Variants in CAPN15 observed in about 807,000 individuals in gnomAD.
CAPN15 encodes the protein calpain 15, also known as calpain-15.
In CAPN15, 53 loss-of-function variants were observed where a neutral mutation model predicts 97.9. The observed-to-expected ratio is 0.54, with a 90% CI of 0.43 to 0.68. The LOEUF is 0.68. CAPN15 is among the 30% of genes least tolerant of loss of function. The pLI, the probability that CAPN15 is intolerant of heterozygous loss-of-function variation, is 0.00. For synonymous variants in CAPN15, 922 were observed against 722.5 expected, an observed-to-expected ratio of 1.28 and a Z score of -4.43; for missense variants, 1,592 against 1,589.8, an observed-to-expected ratio of 1.00 and a Z score of -0.02.
intron 3 of CAPN15, chr16:540,378 G>A (rs1307561820): frequency 1.0e-6 from 1 of 984,286 alleles, no homozygotes; most frequent in Middle Eastern, 5.2e-4. Flanking sequence ...GAAGGTAAGA[G>A]GTGGGGAGGG....
chr16:549,529 G>A (rs572846868), intron 6 of CAPN15, 58 bp downstream of exon 6: 116 of 1,226,084 alleles, frequency 9.5e-5, no homozygotes, highest in African/African-American at 4.4e-4. Context: ...CCCCAGCCCC[G>A]AAAACAAGGC....
chr16:552,364 C>T lies in CAPN15; in HGVS notation c.2571C>T (p.Phe857=), dbSNP rs199859872. 7.5e-4 allele frequency: 1,196 copies of T among 1,599,028 alleles called. 9 individuals are homozygous for T. In the African/African-American group the frequency reaches 0.012, roughly 16 times the overall value. ...DLCILVFRAT[F]GSGGHLSLGR... is the part of the protein sequence containing the mutation. ...GCATCCTGGTGTTCCGGGCCACGTT[C>T]GGCAGCGGCGGCCACCTCAGCCTGG... Residue 857 remains phenylalanine (F), a synonymous_variant, in exon 11 of 14, where the codon TTC becomes TTT. Transcript: ENST00000219611. The surrounding 1 kb of genome is among the most constrained non-coding windows in gnomAD (Gnocchi z 6.4).
Position 549,616 on chromosome 16 carries a change from C to T in CAPN15, c.1844C>T (p.Ala615Val). The T allele has an allele frequency of 6.5e-6, 10 of 1,539,278 alleles. No homozygotes were observed. The highest frequency in any genetic ancestry group is 7.8e-6 in the Non-Finnish European group (9 of 1,146,590). ...DEAGCLLFSQ[A>V]QRKQLWVALI... The stretch of plus-strand genomic sequence containing the variant: ...GGCCTCTGACCCGGCCCTCTGCAGG[C>T]GCAGCGGAAGCAGCTGTGGGTGGCC... Residue 615 changes from alanine (A) to valine (V), a missense_variant and splice_region_variant, in exon 7 of 14, where the codon GCG becomes GTG. Transcript: ENST00000219611.
chr16:547,759 C>T lies in CAPN15; in HGVS notation c.921C>T (p.Thr307=). The T allele has an allele frequency of 6.2e-7, 1 of 1,609,162 alleles. No individual in the cohort carries two copies. The highest frequency in any genetic ancestry group is 8.5e-7 in the Non-Finnish European group (1 of 1,177,696). Residue 307 remains threonine (T), a synonymous_variant, in exon 4 of 14, where the codon ACC becomes ACT. Transcript: ENST00000219611. ...VLEEEATEGG[T]SRVEAGSSTS... is the part of the protein sequence containing the mutation. ...AGGAAGAGGCCACGGAGGGTGGCAC[C>T]AGCCGCGTAGAGGCCGGCAGCTCCA...
Position 549,768 on chromosome 16 carries a change from A to G in CAPN15, c.1996A>G (p.Thr666Ala). 1 of 1,593,110 alleles carries G rather than the reference A, an allele frequency of 6.3e-7. No homozygotes were observed. The highest frequency in any genetic ancestry group is 8.5e-7 in the Non-Finnish European group (1 of 1,170,150). ...GAGCCTGGCGCTGCAGCTCAGCTCC[A>G]CTAACCCCCGCGAGGAGCCCGTTGA... Reference protein sequence around the residue: ...CESLALQLSSTNPREEPVDTD... With the variant: ...CESLALQLSSANPREEPVDTD... The change falls in exon 7 of 14, where the codon ACT becomes GCT. Residue 666 changes from threonine (T) to alanine (A), a missense_variant. Thr to Ala is a moderately conservative substitution (Grantham distance 58). Around this residue, in one of 3 missense-constraint regions of CAPN15, gnomAD observed 644 missense variants for 699.6 expected, o/e 0.92. Transcript: ENST00000219611.
rs534818637 is a variant in CAPN15, at chr16:535,604, TG to T, written c.-136-420del. ...GCGGGGAGCTGCACAGTTGGACTTG[TG>T]GGGGTCAGGCATGGATCCACACAGC... On this transcript the variant is annotated intron_variant, in intron 2 of 13. Coordinates refer to ENST00000219611, the MANE Select transcript of CAPN15 (RefSeq NM_005632.3). This position sits in a 1 kb window ranked among gnomAD's most constrained non-coding sequence, Gnocchi z 6.2. Among the ~76,000 whole-genome samples the T allele has an allele frequency of 5.8e-3, 888 of 152,124 alleles. 7 individuals are homozygous for T. Among genetic ancestry groups the T allele is most frequent in the African/African-American group, 0.021 (852 of 41,520 alleles).
At chr16:548,964 G>C in intron 4 of CAPN15, 29 bp from the exon 5 acceptor site, 1 of 1,609,286 alleles carries the variant, frequency 6.2e-7, no homozygotes, top group East Asian at 2.2e-5. Context: ...ACCCTGCCCA[G>C]CCTGAGCACA....
intron 3 of CAPN15, chr16:538,638 A>AC (rs911729898): frequency 4.6e-5 from 7 of 151,528 alleles, no homozygotes; most frequent in Admixed American, 1.3e-4. Flanking sequence ...TCTCTGTCTC[A>AC]CCCCCTCAGC....
At position 527,895 on chromosome 16, in the gene CAPN15, G is replaced by T. The variant is rs2032960787; in HGVS notation, c.-324G>T. The T allele has an allele frequency of 6.8e-6, 1 of 146,478 alleles. No homozygotes were observed. Among genetic ancestry groups the T allele is most frequent in the South Asian group, 2.1e-4 (1 of 4,824 alleles). 9.1% of individuals were successfully genotyped at this position (146,478 alleles called of 1,614,324 possible). A position where few individuals can be genotyped will look rare whatever the true frequency, so the allele number is the denominator to read the frequency against. On this transcript the variant is annotated 5_prime_UTR_variant, in exon 1 of 14. Transcript: ENST00000219611. ...GAGCGGGAGGCCGTCCGGGCAGCGC[G>T]GCCGGCGGCGAGAGGGGCCCCGCCG...
intron 3 of CAPN15, chr16:537,235 T>C (rs1014924057): frequency 3.0e-6 from 3 of 985,530 alleles, no homozygotes; most frequent in Non-Finnish European, 3.6e-6. Context: ...ACAGGGTCAG[T>C]TGCCTGAGAC....
chr16:540,671 G>A (rs73481357), intron 3 of CAPN15, among the ~76,000 whole-genome samples: 3,425 of 152,314 alleles, frequency 0.022, 117 homozygotes, highest in African/African-American at 0.074. Context: ...GGCTGGGGTC[G>A]CTGGCGGCTG....
Position 552,547 on chromosome 16 carries a change from C to G in CAPN15, c.2737+17C>G. ...CCCCCCAGGGTACGTGGCCCCTACCCCAGGCTCATGCCCCAGGCCCACGGG... is the reference window on the plus strand; with the variant it reads ...CCCCCCAGGGTACGTGGCCCCTACCGCAGGCTCATGCCCCAGGCCCACGGG... On this transcript the variant is annotated intron_variant, in intron 11 of 13. Coordinates refer to ENST00000219611, the MANE Select transcript of CAPN15 (RefSeq NM_005632.3). The surrounding 1 kb of genome is among the most constrained non-coding windows in gnomAD (Gnocchi z 6.4). 1 of 1,585,166 alleles carries G rather than the reference C, an allele frequency of 6.3e-7. No homozygotes were observed. Among genetic ancestry groups the G allele is most frequent in the Non-Finnish European group, 8.5e-7 (1 of 1,170,002 alleles).
At chr16:534,591 C>T (rs925764371) in intron 2 of CAPN15, among the ~76,000 whole-genome samples, 4 of 152,196 alleles carry the variant, frequency 2.6e-5, no homozygotes, top group African/African-American at 7.2e-5. Context: ...GGGGCCTTAG[C>T]GTCAGTGGGG....
At chr16:550,818 G>A (rs1193925999) in intron 7 of CAPN15, among the ~76,000 whole-genome samples, 43 of 40,558 alleles carry the variant, frequency 1.1e-3, no homozygotes, top group Middle Eastern at 0.038. Context: ...GGCCCCGGTC[G>A]GTGAGGGTGC....
intron 1 of CAPN15, chr16:528,714 A>G: frequency 1.0e-6 from 1 of 985,276 alleles, no homozygotes; most frequent in Non-Finnish European, 1.2e-6. Context: ...TTGTTACCGG[A>G]CTGCAGGTAA....
At chr16:539,575 C>T (rs2033969162) in intron 3 of CAPN15, 1 of 152,358 alleles carries the variant, frequency 6.6e-6, no homozygotes, top group South Asian at 2.1e-4. Flanking sequence ...GGCCCCCGCC[C>T]TCAGCCATAG....
At position 546,852 on chromosome 16, in the gene CAPN15, G is replaced by T. The variant is rs2142033615; in HGVS notation, c.14G>T (p.Gly5Val). 6.2e-7 allele frequency: 1 copy of T among 1,608,642 alleles called. No homozygotes were observed. Among genetic ancestry groups the T allele is most frequent in the Non-Finnish European group, 8.5e-7 (1 of 1,177,412 alleles). MATV[G>V]EWSCVRCTFL... ...TCGCCCGGGTCTATGGCCACGGTCGGAGAGTGGTCCTGTGTGCGCTGCACC... is the reference window on the plus strand; with the variant it reads ...TCGCCCGGGTCTATGGCCACGGTCGTAGAGTGGTCCTGTGTGCGCTGCACC... The change falls in exon 4 of 14, where the codon GGA (glycine) becomes GTA (valine). Residue 5 changes from glycine (G) to valine (V), a missense_variant. By Grantham distance (109) the Gly-to-Val change is moderately radical. Coordinates refer to ENST00000219611, the MANE Select transcript of CAPN15 (RefSeq NM_005632.3).
At chr16:532,011 A>G (rs1320386474) in intron 1 of CAPN15, among the ~76,000 whole-genome samples, 1 of 152,136 alleles carries the variant, frequency 6.6e-6, no homozygotes, top group South Asian at 2.1e-4. Flanking sequence ...AGGCCGAGGC[A>G]GGTGGGTTGC....
rs746857485 is a variant in CAPN15 at position 552,834 on chromosome 16, T to C, written c.2905-29T>C. 1.8e-6 allele frequency: 2 copies of C among 1,092,486 alleles called. No homozygotes were observed. The highest frequency in any genetic ancestry group is 2.6e-5 in the South Asian group (2 of 76,402). 67.7% of individuals were successfully genotyped at this position (1,092,486 alleles called of 1,614,324 possible). ...GGGGAGTATGCCCCAGCACCTCCCCTGCCCCACAACTGCCATTCCTGTGCC... is the reference window on the plus strand; with the variant it reads ...GGGGAGTATGCCCCAGCACCTCCCCCGCCCCACAACTGCCATTCCTGTGCC... On this transcript the variant is annotated intron_variant, in intron 12 of 13. Transcript: ENST00000219611. The surrounding 1 kb of genome is among the most constrained non-coding windows in gnomAD (Gnocchi z 6.4).
Sources: allele counts gnomAD v4.1 joint callset (sites outside exome capture counted in the v4.1 genomes callset), GRCh38; gene constraint gnomAD v4.1.1; regional missense constraint gnomAD v4.1.1; non-coding constraint Gnocchi (gnomAD v3.1); transcripts MANE v1.5; gene names NCBI Gene and HGNC (gene_info 2026-07-23, HGNC 2026-07-21).